MIPOL1: variants seen among roughly 807,000 people sequenced by gnomAD.
MIPOL1 encodes the protein mirror-image polydactyly gene 1 protein.
A neutral mutation model predicts 60.9 loss-of-function variants in MIPOL1; 57 were observed. That is an observed-to-expected ratio of 0.94 (90% CI 0.76 to 1.17). MIPOL1 has a LOEUF of 1.17. MIPOL1 is among the 50% of genes most tolerant of loss of function. MIPOL1 has a pLI of 0.00. For synonymous variants in MIPOL1, 179 were observed against 168.8 expected, an observed-to-expected ratio of 1.06 and a Z score of -0.47; for missense variants, 551 against 511.6, an observed-to-expected ratio of 1.08 and a Z score of -0.74.
At chr14:37,442,954 G>A (rs1018890265) in intron 11 of MIPOL1, among the ~76,000 whole-genome samples, 1 of 152,012 alleles carries the variant, frequency 6.6e-6, no homozygotes, top group Non-Finnish European at 1.5e-5. Flanking sequence ...TAACTTCTTT[G>A]TAGAAATTGA....
intron 11 of MIPOL1, among the ~76,000 whole-genome samples, chr14:37,468,311 T>C (rs1198701835): frequency 2.6e-5 from 4 of 152,066 alleles, no homozygotes; most frequent in African/African-American, 9.7e-5. Flanking sequence ...TTTTCAGCAT[T>C]CCAGGAAAAC....
chr14:37,201,412 A>G (rs75884803), intron 1 of MIPOL1, among the ~76,000 whole-genome samples: 6,672 of 152,278 alleles, frequency 0.044, 338 homozygotes, highest in African/African-American at 0.12. Context: ...GAAAGAAGAG[A>G]CAGTCTTTCT....
At chr14:37,359,073 C>G (rs562148572) in intron 9 of MIPOL1, among the ~76,000 whole-genome samples, 3 of 152,150 alleles carry the variant, frequency 2.0e-5, no homozygotes, top group African/African-American at 7.2e-5. Flanking sequence ...TTTCCCAGCA[C>G]GATTTATTAA....
intron 10 of MIPOL1, among the ~76,000 whole-genome samples, chr14:37,382,871 C>T (rs2153511720): frequency 6.6e-6 from 1 of 151,956 alleles, no homozygotes; most frequent in Non-Finnish European, 1.5e-5. Flanking sequence ...TGCCTACTGA[C>T]TCATAGACAC....
At chr14:37,303,650 A>T (rs969828242) in intron 7 of MIPOL1, among the ~76,000 whole-genome samples, 3 of 151,834 alleles carry the variant, frequency 2.0e-5, no homozygotes, top group Admixed American at 6.6e-5. Flanking sequence ...TAAGGGAAGA[A>T]TGGGAATGGG....
At chr14:37,346,793 A>G (rs998634390) in intron 9 of MIPOL1, among the ~76,000 whole-genome samples, 2 of 152,238 alleles carry the variant, frequency 1.3e-5, no homozygotes, top group African/African-American at 4.8e-5. Flanking sequence ...GCCAGACCAT[A>G]GAAAGAATAC....
chr14:37,545,497 T>G (rs2095543975), intron 12 of MIPOL1, among the ~76,000 whole-genome samples: 1 of 152,198 alleles, frequency 6.6e-6, no homozygotes, highest in South Asian at 2.1e-4. Context: ...ACTAGACTGT[T>G]TTAGTGGATA....
chr14:37,448,415 G>A (rs2094369562), intron 11 of MIPOL1, among the ~76,000 whole-genome samples: 1 of 152,196 alleles, frequency 6.6e-6, no homozygotes, highest in Non-Finnish European at 1.5e-5. Flanking sequence ...AGTGCCCACA[G>A]TATCACTAGC....
chr14:37,302,546 T>C (rs1452519591), intron 7 of MIPOL1, among the ~76,000 whole-genome samples: 1 of 151,692 alleles, frequency 6.6e-6, no homozygotes, highest in African/African-American at 2.4e-5. Flanking sequence ...CTAGTTGATG[T>C]CTTGTTTTTT....
intron 11 of MIPOL1, among the ~76,000 whole-genome samples, chr14:37,440,112 G>C (rs1482414870): frequency 6.6e-6 from 1 of 152,112 alleles, no homozygotes; most frequent in African/African-American, 2.4e-5. Context: ...TTCCCAAAGT[G>C]CTAGGATTAC....
At position 37,548,870 on chromosome 14, in the gene MIPOL1, A is replaced by G. The variant is rs891040454; in HGVS notation, c.*1899A>G. 1.9e-4 allele frequency: 29 copies of G among 152,016 alleles called. No homozygotes were observed. Among genetic ancestry groups the G allele is most frequent in the Admixed American group, 1.0e-3 (16 of 15,276 alleles). The allele number at this position is 152,016 out of a possible 1,614,324, so 9.4% of individuals were successfully genotyped here. On this transcript the variant is annotated 3_prime_UTR_variant, in exon 13 of 13. Transcript: ENST00000684589. ...CAAATTAGAAAAACCAATTCCTATAATTAATATGCAGAACTTTTATAGAAT... is the reference window on the plus strand; with the variant it reads ...CAAATTAGAAAAACCAATTCCTATAGTTAATATGCAGAACTTTTATAGAAT...
chr14:37,387,731 C>G (rs1413189947), intron 10 of MIPOL1, among the ~76,000 whole-genome samples: 6 of 151,836 alleles, frequency 4.0e-5, no homozygotes, highest in Non-Finnish European at 5.9e-5. Flanking sequence ...TTTATAAGAC[C>G]ATAGTTTTCT....
At chr14:37,328,566 G>T (rs2153452290) in intron 9 of MIPOL1, among the ~76,000 whole-genome samples, 1 of 151,738 alleles carries the variant, frequency 6.6e-6, no homozygotes, top group East Asian at 1.9e-4. Flanking sequence ...TTAAATTATT[G>T]GCTTTAACAG....
In MIPOL1 at chr14:37,433,234, TA is replaced by T. The variant is rs2094106611; in HGVS notation, c.1031+10287del. The stretch of plus-strand genomic sequence containing the variant: ...TGCCACCATGCCTAATTTTTTTTTT[TA>T]ATTATACTTTCAGTTCTGGGATACA... On this transcript the variant is annotated intron_variant, in intron 11 of 12. Transcript: ENST00000684589. 3.9e-5 allele frequency among the ~76,000 whole-genome samples: 6 copies of T among 151,926 alleles called. No homozygotes were observed. In the South Asian group the frequency reaches 6.3e-4, roughly 16 times the overall value.
chr14:37,357,182 A>G (rs895023067), intron 9 of MIPOL1, among the ~76,000 whole-genome samples: 3 of 152,226 alleles, frequency 2.0e-5, no homozygotes, highest in African/African-American at 7.2e-5. Flanking sequence ...AGGAACCTCC[A>G]AAATTTTCTC....
chr14:37,309,983 C>T (rs917779435), intron 9 of MIPOL1, among the ~76,000 whole-genome samples: 4 of 152,082 alleles, frequency 2.6e-5, no homozygotes, highest in African/African-American at 9.7e-5. Context: ...GCCACCACGC[C>T]TGGCCTCAGC....
chr14:37,255,906 A>C (rs758486302), intron 3 of MIPOL1, among the ~76,000 whole-genome samples: 9 of 151,878 alleles, frequency 5.9e-5, no homozygotes, highest in Middle Eastern at 3.4e-3. Context: ...TAGTACTATA[A>C]TATTAGGATG....
intron 12 of MIPOL1, among the ~76,000 whole-genome samples, chr14:37,508,194 CA>C (rs2095296982): frequency 6.6e-6 from 1 of 152,094 alleles, no homozygotes; most frequent in Non-Finnish European, 1.5e-5. Context: ...GAAAATATGT[CA>C]GTATTCCAGG....
intron 10 of MIPOL1, among the ~76,000 whole-genome samples, chr14:37,393,201 A>G (rs922313388): frequency 2.0e-5 from 3 of 152,052 alleles, no homozygotes; most frequent in African/African-American, 4.8e-5. Flanking sequence ...TAAGAAGGCA[A>G]CTGTGCTGAC....
Sources: gnomAD v4.1 joint callset for allele counts (sites outside exome capture counted in the v4.1 genomes callset) on GRCh38, gnomAD v4.1.1 for gene constraint, MANE v1.5 for transcripts, NCBI Gene and HGNC (gene_info 2026-07-23, HGNC 2026-07-21) for gene names.